Variants in DDX10 observed in about 807,000 individuals in gnomAD.
The protein encoded by DDX10 is probable ATP-dependent RNA helicase DDX10.
DDX10 carries 74 observed loss-of-function variants against 104.3 expected under a neutral mutation model. The observed-to-expected ratio is 0.71, with a 90% CI of 0.59 to 0.86. The LOEUF is 0.86. Among genes scored for constraint, DDX10 ranks in the 40% least tolerant of loss-of-function variants. DDX10 has a pLI of 0.00. For missense variants in DDX10, 952 were observed against 1,040.0 expected (o/e 0.92, Z 1.16); for synonymous variants, 351 against 353.4 (o/e 0.99, Z 0.08).
At chr11:108,899,553 G>A (rs755283235) in intron 16 of DDX10, among the ~76,000 whole-genome samples, 3 of 151,474 alleles carry the variant, frequency 2.0e-5, no homozygotes, top group Non-Finnish European at 2.9e-5. Flanking sequence ...ATACAAGGAA[G>A]TGCTTTCATA....
At chr11:108,729,034 C>CA (rs1409511659) in intron 13 of DDX10, among the ~76,000 whole-genome samples, 1 of 152,132 alleles carries the variant, frequency 6.6e-6, no homozygotes, top group African/African-American at 2.4e-5. Flanking sequence ...CCTTCACTTT[C>CA]ACTACTCTCA....
At chr11:108,665,447 G>A in intron 1 of DDX10, 108 bp downstream of exon 1, 7 of 1,325,600 alleles carry the variant, frequency 5.3e-6, no homozygotes, top group Non-Finnish European at 7.0e-6. Context: ...CCGGGACCCG[G>A]CCGGGAATGA....
chr11:108,680,339 T>C (rs1408597205), intron 6 of DDX10, among the ~76,000 whole-genome samples: 1 of 152,216 alleles, frequency 6.6e-6, no homozygotes, highest in African/African-American at 2.4e-5. Flanking sequence ...TTCAGCTTCC[T>C]GAGTAGCTGG....
chr11:108,862,006 A>ATC (rs368071902), intron 16 of DDX10, among the ~76,000 whole-genome samples: 13 of 151,530 alleles, frequency 8.6e-5, no homozygotes, highest in Non-Finnish European at 4.4e-5. Context: ...CAGCCAAAAA[A>ATC]TCTCTCTCTC....
chr11:108,675,124 GTA>G (rs1347233669), intron 2 of DDX10, among the ~76,000 whole-genome samples: 15 of 145,362 alleles, frequency 1.0e-4, no homozygotes, highest in African/African-American at 2.9e-4. Context: ...GTGTGTGTGT[GTA>G]TGTGTATGTA....
chr11:108,795,676 C>T (rs960108900), intron 13 of DDX10, among the ~76,000 whole-genome samples: 1 of 152,004 alleles, frequency 6.6e-6, no homozygotes, highest in African/African-American at 2.4e-5. Flanking sequence ...TGAACTCATC[C>T]TTTTTTATGG....
chr11:108,745,574 G>T (rs910649647), intron 13 of DDX10, among the ~76,000 whole-genome samples: 1 of 152,074 alleles, frequency 6.6e-6, no homozygotes, highest in African/African-American at 2.4e-5. Context: ...GTTATCCAGT[G>T]TTACTACTGT....
At chr11:108,805,853 AAG>A (rs1480643081) in intron 13 of DDX10, among the ~76,000 whole-genome samples, 1 of 152,194 alleles carries the variant, frequency 6.6e-6, no homozygotes, top group Non-Finnish European at 1.5e-5. Context: ...TTAATAATGA[AAG>A]AAGAAAAACT....
chr11:108,808,670 C>A (rs1441910034), intron 13 of DDX10, among the ~76,000 whole-genome samples: 1 of 152,012 alleles, frequency 6.6e-6, no homozygotes, highest in Non-Finnish European at 1.5e-5. Flanking sequence ...CAACAGGCTA[C>A]ATTTTGAAAA....
chr11:108,809,280 CA>C (rs1202374521), intron 13 of DDX10, among the ~76,000 whole-genome samples: 2 of 152,096 alleles, frequency 1.3e-5, no homozygotes, highest in Admixed American at 1.3e-4. Context: ...AAATGCGAGA[CA>C]TTTTGGGTAG....
At chr11:108,907,887 A>G (rs1863618027) in intron 16 of DDX10, among the ~76,000 whole-genome samples, 1 of 152,240 alleles carries the variant, frequency 6.6e-6, no homozygotes, top group Non-Finnish European at 1.5e-5. Context: ...AACTAAAAAT[A>G]TTGCAAAATA....
At chr11:108,726,526 G>GT (rs778163709) in intron 13 of DDX10, among the ~76,000 whole-genome samples, 4 of 151,936 alleles carry the variant, frequency 2.6e-5, no homozygotes, top group African/African-American at 9.7e-5. Context: ...GAAATAGTTT[G>GT]TTTTTTGTAG....
At chr11:108,903,242 A>T (rs1863541978) in intron 16 of DDX10, among the ~76,000 whole-genome samples, 1 of 152,122 alleles carries the variant, frequency 6.6e-6, no homozygotes, top group African/African-American at 2.4e-5. Flanking sequence ...ATCCTTGGCA[A>T]CTACTAATCT....
chr11:108,869,634 G>A (rs909794319), intron 16 of DDX10, among the ~76,000 whole-genome samples: 11 of 152,038 alleles, frequency 7.2e-5, no homozygotes, highest in Admixed American at 7.2e-4. Context: ...ATGTTTACAA[G>A]TAAACTTCAA....
intron 13 of DDX10, among the ~76,000 whole-genome samples, chr11:108,811,845 G>A (rs914060113): frequency 7.3e-6 from 1 of 137,228 alleles, no homozygotes; most frequent in African/African-American, 2.6e-5. Flanking sequence ...TAGATCAAAG[G>A]ACAATTATAA....
At chr11:108,792,576 A>G (rs554166495) in intron 13 of DDX10, among the ~76,000 whole-genome samples, 1 of 152,302 alleles carries the variant, frequency 6.6e-6, no homozygotes, top group South Asian at 2.1e-4. Flanking sequence ...ATTCATATGA[A>G]TACATTTCTC....
At chr11:108,671,283 C>A (rs1408108724) in intron 1 of DDX10, among the ~76,000 whole-genome samples, 2 of 152,238 alleles carry the variant, frequency 1.3e-5, no homozygotes, top group African/African-American at 4.8e-5. Flanking sequence ...CCTGCCTCAG[C>A]CTCCCAAGTA....
At chr11:108,754,873 A>G (rs2094342694) in intron 13 of DDX10, among the ~76,000 whole-genome samples, 1 of 152,080 alleles carries the variant, frequency 6.6e-6, no homozygotes, top group African/African-American at 2.4e-5. Context: ...TCAGAACATC[A>G]GAAAAGGTTG....
chr11:108,894,311 G>A (rs1863413253), intron 16 of DDX10, among the ~76,000 whole-genome samples: 1 of 152,012 alleles, frequency 6.6e-6, no homozygotes, highest in South Asian at 2.1e-4. Flanking sequence ...GGTGAAGGTG[G>A]TAAAGATGTA....
Sources: allele counts gnomAD v4.1 joint callset (sites outside exome capture counted in the v4.1 genomes callset), GRCh38; gene constraint gnomAD v4.1.1; transcripts MANE v1.5; gene names NCBI Gene and HGNC (gene_info 2026-07-23, HGNC 2026-07-21).